Variants in LRMDA observed in about 807,000 individuals in gnomAD.
The protein encoded by LRMDA is leucine-rich melanocyte differentiation-associated protein.
LRMDA carries 18 observed loss-of-function variants against 29.8 expected under a neutral mutation model. The observed-to-expected ratio is 0.60, with a 90% confidence interval of 0.42 to 0.90. LRMDA has a LOEUF of 0.90. Ranked by LOEUF, LRMDA falls within the 40% of genes least tolerant of loss-of-function variation. The probability of loss-of-function intolerance (pLI) is 0.00; values close to 1 mark genes in which losing one functional copy is unlikely to be tolerated. For missense variants in LRMDA, 273 were observed against 273.9 expected (o/e 1.00, Z 0.02); for synonymous variants, 125 against 109.4 (o/e 1.14, Z -0.89).
At position 75,554,883 on chromosome 10, in the gene LRMDA, A is replaced by G. The variant is rs113724110; in HGVS notation, c.131+116389A>G. Among the ~76,000 whole-genome samples the G allele has an allele frequency of 5.6e-4, 86 of 152,296 alleles. 1 individual carries two copies. The highest frequency in any genetic ancestry group is 2.0e-3 in the African/African-American group (83 of 41,570). The stretch of plus-strand genomic sequence containing the variant: ...ATGAAGTATGTAATGTGTCCAAGTC[A>G]TTTACTTTTCTTTTTATATTTCCTT... On this transcript the variant is annotated intron_variant, in intron 2 of 6. Coordinates refer to ENST00000611255, the MANE Select transcript of LRMDA (RefSeq NM_001305581.2).
rs192366317 is a variant in LRMDA at position 75,646,395 on chromosome 10, G to A, written c.131+207901G>A. ...CTTGCCAGAATCTACAAAAGTCATC[G>A]TGAGCCGTGCAGCACCGGGCTCTTG... On this transcript the variant is annotated intron_variant, in intron 2 of 6. Coordinates refer to ENST00000611255, the MANE Select transcript of LRMDA (RefSeq NM_001305581.2). Among the ~76,000 whole-genome samples the A allele has an allele frequency of 3.3e-3, 508 of 152,234 alleles. 3 individuals carry two copies. The highest frequency in any genetic ancestry group is 0.011 in the African/African-American group (441 of 41,528).
At chr10:75,931,684 G>A (rs531158096) in intron 2 of LRMDA, among the ~76,000 whole-genome samples, 14 of 152,256 alleles carry the variant, frequency 9.2e-5, no homozygotes, top group African/African-American at 3.4e-4. Flanking sequence ...GTGCATCAGT[G>A]AGACTCTTTA....
At chr10:75,527,958 GT>G (rs554647451) in intron 2 of LRMDA, among the ~76,000 whole-genome samples, 4 of 151,122 alleles carry the variant, frequency 2.6e-5, no homozygotes, top group Non-Finnish European at 4.4e-5. Flanking sequence ...TAATTTTTGT[GT>G]TTTTTTTGTA....
chr10:75,918,895 A>G (rs770949983), intron 2 of LRMDA, among the ~76,000 whole-genome samples: 6 of 151,822 alleles, frequency 4.0e-5, no homozygotes, highest in Non-Finnish European at 8.8e-5. Flanking sequence ...GTGTGTGAAG[A>G]AAAAAAAAGA....
chr10:76,156,630 A>G lies in LRMDA; in HGVS notation c.516+97847A>G, dbSNP rs540877843. 1.4e-4 allele frequency among the ~76,000 whole-genome samples: 21 copies of G among 152,290 alleles called. No homozygotes were observed. The East Asian group carries it at 3.7e-3, about 27-fold the overall frequency. On this transcript the variant is annotated intron_variant, in intron 5 of 6. Coordinates refer to ENST00000611255, the MANE Select transcript of LRMDA (RefSeq NM_001305581.2). The stretch of plus-strand genomic sequence containing the variant: ...CCATGCCTGGCAGTCCCTGAGCCAC[A>G]TCTTTGACTTATGATATTAGAGGAG...
chr10:75,918,144 C>T (rs1015123709), intron 2 of LRMDA, among the ~76,000 whole-genome samples: 2 of 152,176 alleles, frequency 1.3e-5, no homozygotes, highest in Non-Finnish European at 2.9e-5. Flanking sequence ...GCATTCAGAG[C>T]AGTGTCACGG....
At chr10:76,282,537 T>C (rs981640572) in intron 5 of LRMDA, among the ~76,000 whole-genome samples, 3 of 152,200 alleles carry the variant, frequency 2.0e-5, no homozygotes, top group African/African-American at 4.8e-5. Flanking sequence ...ATTTATGGCT[T>C]GCTGTGAAAG....
chr10:75,839,899 G>A (rs559168902), intron 2 of LRMDA, among the ~76,000 whole-genome samples: 3 of 151,838 alleles, frequency 2.0e-5, no homozygotes, highest in South Asian at 4.2e-4. Flanking sequence ...TAGTAGAGAC[G>A]GGGTTTCACC....
chr10:75,500,696 A>C (rs1845102119), intron 2 of LRMDA, among the ~76,000 whole-genome samples: 1 of 152,180 alleles, frequency 6.6e-6, no homozygotes. Flanking sequence ...AAGGGGAAGC[A>C]GGCACGTTTT....
intron 6 of LRMDA, among the ~76,000 whole-genome samples, chr10:76,501,845 A>G (rs943026209): frequency 6.6e-6 from 1 of 151,916 alleles, no homozygotes; most frequent in Non-Finnish European, 1.5e-5. Flanking sequence ...TTTGTTGTAC[A>G]GAAGTTCTTT....
At chr10:76,485,050 G>T (rs1842768406) in intron 6 of LRMDA, among the ~76,000 whole-genome samples, 1 of 151,642 alleles carries the variant, frequency 6.6e-6, no homozygotes, top group African/African-American at 2.4e-5. Context: ...TTTTTCTATA[G>T]ACCACATGTA....
At chr10:75,710,569 A>G (rs1236315210) in intron 2 of LRMDA, among the ~76,000 whole-genome samples, 1 of 150,942 alleles carries the variant, frequency 6.6e-6, no homozygotes, top group East Asian at 1.9e-4. Flanking sequence ...TGTGTATAGG[A>G]GCACGGCAGA....
chr10:75,832,875 A>C (rs1285142592), intron 2 of LRMDA, among the ~76,000 whole-genome samples: 1 of 152,174 alleles, frequency 6.6e-6, no homozygotes, highest in Non-Finnish European at 1.5e-5. Flanking sequence ...CACGAGAAAG[A>C]CCTGCCCCCA....
chr10:76,516,339 TA>T (rs1379692962), intron 6 of LRMDA, among the ~76,000 whole-genome samples: 7 of 132,682 alleles, frequency 5.3e-5, no homozygotes, highest in East Asian at 2.2e-4. Context: ...AAGTTTTTTT[TA>T]AAATTATTTT....
intron 2 of LRMDA, among the ~76,000 whole-genome samples, chr10:76,035,320 TAAAAG>T (rs1367975663): frequency 1.3e-5 from 2 of 151,642 alleles, no homozygotes; most frequent in African/African-American, 4.8e-5. Context: ...AAAGAAATAA[TAAAAG>T]AAAAAGCCCT....
At chr10:76,401,661 T>C (rs1272977157) in intron 6 of LRMDA, among the ~76,000 whole-genome samples, 1 of 152,182 alleles carries the variant, frequency 6.6e-6, no homozygotes, top group Non-Finnish European at 1.5e-5. Context: ...ATGCCCTGTA[T>C]TCCAGGTCAC....
At chr10:76,283,489 A>T (rs535448142) in intron 5 of LRMDA, among the ~76,000 whole-genome samples, 2 of 152,164 alleles carry the variant, frequency 1.3e-5, no homozygotes, top group Non-Finnish European at 2.9e-5. Flanking sequence ...AATTTCAGTG[A>T]TCTGTACTGA....
chr10:75,999,546 G>C (rs547883761), intron 2 of LRMDA, among the ~76,000 whole-genome samples: 1 of 152,294 alleles, frequency 6.6e-6, no homozygotes, highest in Admixed American at 6.5e-5. Flanking sequence ...ACAATGTCAG[G>C]CTTCCAATGT....
At chr10:75,530,067 A>T (rs1353762069) in intron 2 of LRMDA, among the ~76,000 whole-genome samples, 1 of 152,096 alleles carries the variant, frequency 6.6e-6, no homozygotes, top group African/African-American at 2.4e-5. Context: ...TTTAAAACAT[A>T]CATATATTTT....
Sources: gnomAD v4.1 joint callset for allele counts (sites outside exome capture counted in the v4.1 genomes callset) on GRCh38, gnomAD v4.1.1 for gene constraint, MANE v1.5 for transcripts, NCBI Gene and HGNC (gene_info 2026-07-23, HGNC 2026-07-21) for gene names.